The following PRIMA1 variants were observed in gnomAD, a reference collection of about 807,000 sequenced individuals.
PRIMA1 encodes the protein proline rich membrane anchor 1, also known as proline-rich membrane anchor 1.
A neutral mutation model predicts 17.5 loss-of-function variants in PRIMA1; 7 were observed. The ratio of observed to expected loss-of-function variants is 0.40; its 90% CI spans 0.23 to 0.75. The LOEUF (loss-of-function observed/expected upper bound fraction) is 0.75. Among genes scored for constraint, PRIMA1 ranks in the 30% least tolerant of loss-of-function variants. The pLI is 0.37. For synonymous variants in PRIMA1, 97 were observed against 77.9 expected, an observed-to-expected ratio of 1.25 and a Z score of -1.29; for missense variants, 200 against 201.8, an observed-to-expected ratio of 0.99 and a Z score of 0.05.
At chr14:93,771,768 C>T (rs899195549) in intron 3 of PRIMA1, among the ~76,000 whole-genome samples, 1 of 152,124 alleles carries the variant, frequency 6.6e-6, no homozygotes, top group Non-Finnish European at 1.5e-5. Context: ...TCAGGTTCTA[C>T]TTCGAAGGGG....
intron 3 of PRIMA1, among the ~76,000 whole-genome samples, chr14:93,761,591 T>C (rs1238047883): frequency 6.6e-6 from 1 of 152,104 alleles, no homozygotes; most frequent in East Asian, 1.9e-4. Context: ...TAATTCCTTC[T>C]CCTCCTTCCA....
In PRIMA1 at chr14:93,779,262, C is replaced by G. The variant is rs1171660796; in HGVS notation, c.143G>C (p.Cys48Ser). ...QKSCSKVTDS[C>S]RHVCQCRPPP... ...GGGCCGGCACTGGCAGACGTGTCGG[C>G]AGCTGTCAGTCACTTTGGAGCAGGA... is the stretch of plus-strand genomic sequence containing the variant. The change falls in exon 3 of 5, where the codon TGC becomes TCC. Residue 48 changes from cysteine to serine, a missense_variant. Coordinates refer to ENST00000393140, the MANE Select transcript of PRIMA1 (RefSeq NM_178013.4). 1 of 1,541,878 alleles carries G rather than the reference C, an allele frequency of 6.5e-7. No individual in the cohort carries two copies.
At chr14:93,784,831 A>G (rs571310364) in intron 2 of PRIMA1, among the ~76,000 whole-genome samples, 1 of 152,342 alleles carries the variant, frequency 6.6e-6, no homozygotes, top group South Asian at 2.1e-4. Context: ...AATTAGCTCT[A>G]CATTGCCAAA....
chr14:93,726,941 A>G lies in PRIMA1; in HGVS notation c.360-5395T>C, dbSNP rs1216358797. Among the ~76,000 whole-genome samples the G allele has an allele frequency of 1.3e-5, 2 of 152,014 alleles. No homozygotes were observed. The highest frequency in any genetic ancestry group is 2.9e-5 in the Non-Finnish European group (2 of 68,002). On this transcript the variant is annotated intron_variant, in intron 4 of 4. Coordinates refer to ENST00000393140, the MANE Select transcript of PRIMA1 (RefSeq NM_178013.4). The surrounding 1 kb of genome is among the most constrained non-coding windows in gnomAD (Gnocchi z 4.2). ...CATACCTACAGACATATATCCCCAC[A>G]CTCATATACACACACACTCAGCGTT...
At chr14:93,764,589 C>T (rs1884835060) in intron 3 of PRIMA1, among the ~76,000 whole-genome samples, 1 of 152,180 alleles carries the variant, frequency 6.6e-6, no homozygotes, top group African/African-American at 2.4e-5. Context: ...ACACTCGGTG[C>T]TCTATAAATA....
intron 3 of PRIMA1, among the ~76,000 whole-genome samples, chr14:93,771,913 T>A (rs551676848): frequency 7.2e-5 from 11 of 152,244 alleles, no homozygotes; most frequent in Admixed American, 2.0e-4. Flanking sequence ...GGGGCCACAC[T>A]AGGAAGTAAT....
chr14:93,724,252 A>G (rs1475437277), intron 4 of PRIMA1, among the ~76,000 whole-genome samples: 1 of 152,098 alleles, frequency 6.6e-6, no homozygotes, highest in Non-Finnish European at 1.5e-5. Context: ...CCTCTTAGAG[A>G]TTCTGCAGAG....
intron 4 of PRIMA1, among the ~76,000 whole-genome samples, chr14:93,722,850 G>T (rs2076051321): frequency 1.3e-5 from 2 of 152,016 alleles, no homozygotes; most frequent in Admixed American, 1.3e-4. Context: ...AATGATGGTG[G>T]TGAATATCTA....
At chr14:93,729,267 T>C (rs985319921) in intron 4 of PRIMA1, among the ~76,000 whole-genome samples, 1 of 152,210 alleles carries the variant, frequency 6.6e-6, no homozygotes, top group African/African-American at 2.4e-5. Context: ...CAGGAGGCCC[T>C]TCCTTGGAGT....
intron 3 of PRIMA1, among the ~76,000 whole-genome samples, chr14:93,757,028 CT>C: frequency 6.6e-6 from 1 of 152,166 alleles, no homozygotes. Context: ...AAAACCCAAC[CT>C]TTTTATCATG....
chr14:93,746,059 C>T (rs570860613), intron 3 of PRIMA1, among the ~76,000 whole-genome samples: 1 of 152,268 alleles, frequency 6.6e-6, no homozygotes, highest in South Asian at 2.1e-4. Flanking sequence ...TCCAGAGGGC[C>T]TAGGCTTTGG....
chr14:93,725,843 G>A (rs2076071913), intron 4 of PRIMA1: 4 of 428,122 alleles, frequency 9.3e-6, no homozygotes, highest in Admixed American at 7.5e-5. Flanking sequence ...TACCTAACGC[G>A]TGCCCCGTGG....
intron 2 of PRIMA1, among the ~76,000 whole-genome samples, chr14:93,787,410 C>T (rs1487735681): frequency 6.6e-6 from 1 of 152,190 alleles, no homozygotes; most frequent in Non-Finnish European, 1.5e-5. Flanking sequence ...CCAGCCCGGT[C>T]CTGCAGGATT....
chr14:93,737,540 GGGT>G (rs2076158096), intron 3 of PRIMA1, among the ~76,000 whole-genome samples, 170 bp from the exon 4 acceptor site: 5 of 150,826 alleles, frequency 3.3e-5, no homozygotes, highest in African/African-American at 1.2e-4. Flanking sequence ...GGACCATTAT[GGGT>G]GACACCAACA....
Position 93,718,420 on chromosome 14 carries a change from A to C in PRIMA1, c.*3024T>G, listed in dbSNP as rs1388543183. ...GTACAAAAGTCTCAGCAGGAAACCAACCTTAATGGCTTGTTGGTGGATAAG... is the reference window on the plus strand; with the variant it reads ...GTACAAAAGTCTCAGCAGGAAACCACCCTTAATGGCTTGTTGGTGGATAAG... On this transcript the variant is annotated 3_prime_UTR_variant, in exon 5 of 5. Coordinates refer to ENST00000393140, the MANE Select transcript of PRIMA1 (RefSeq NM_178013.4). 6.6e-6 allele frequency: 1 copy of C among 152,456 alleles called. No individual in the cohort carries two copies. The highest frequency in any genetic ancestry group is 1.5e-5 in the Non-Finnish European group (1 of 68,030). The allele number at this position is 152,456 out of a possible 1,614,324, so 9.4% of individuals were successfully genotyped here. A position where few individuals can be genotyped will look rare whatever the true frequency, so the allele number is the denominator to read the frequency against.
Position 93,721,275 on chromosome 14 carries a change from G to GAC in PRIMA1, c.*167_*168dup. 3.4e-6 allele frequency: 2 copies of GAC among 584,748 alleles called. No homozygotes were observed. The highest frequency in any genetic ancestry group is 9.1e-4 in the Middle Eastern group (2 of 2,196). The allele number at this position is 584,748 out of a possible 1,614,324, so 36.2% of individuals were successfully genotyped here. On this transcript the variant is annotated 3_prime_UTR_variant, in exon 5 of 5. Transcript: ENST00000393140. ...TCCGAGCTGCCTGGGCCCGCAGGCTGACCAGGGGCAAGCCTGGGAAGACAA... is the reference window on the plus strand; with the variant it reads ...TCCGAGCTGCCTGGGCCCGCAGGCTGACACCAGGGGCAAGCCTGGGAAGACAA...
At position 93,747,856 on chromosome 14, in the gene PRIMA1, AGTGT is replaced by A. The variant is rs1210333025; in HGVS notation, c.230-10490_230-10487del. 3.7e-3 allele frequency among the ~76,000 whole-genome samples: 514 copies of A among 137,102 alleles called. 1 individual carries two copies. Among genetic ancestry groups the A allele is most frequent in the African/African-American group, 0.014 (488 of 36,076 alleles). The allele number at this position is 137,102 out of a possible 152,430, so 89.9% of individuals were successfully genotyped here. ...GTGAGAGTGTATGAGTGTGTGTATG[AGTGT>A]GTGTGAGTGGGGACTGAGTGGGAGA... On this transcript the variant is annotated intron_variant, in intron 3 of 4. Transcript: ENST00000393140.
chr14:93,720,171 G>A lies in PRIMA1; in HGVS notation c.*1273C>T, dbSNP rs2076028112. 1 of 152,234 alleles carries A rather than the reference G, an allele frequency of 6.6e-6. No individual in the cohort carries two copies. Among genetic ancestry groups the A allele is most frequent in the Admixed American group, 6.5e-5 (1 of 15,288 alleles). The allele number at this position is 152,234 out of a possible 1,614,324, so 9.4% of individuals were successfully genotyped here. A position where few individuals can be genotyped will look rare whatever the true frequency, so the allele number is the denominator to read the frequency against. On this transcript the variant is annotated 3_prime_UTR_variant, in exon 5 of 5. Transcript: ENST00000393140. ...TGGGGAGAGCCAGGGGGCCAGGAGT[G>A]TCCCACTCATTTTCCAGGAGATGCA...
chr14:93,733,502 C>T (rs1030824868), intron 4 of PRIMA1, among the ~76,000 whole-genome samples: 8 of 152,028 alleles, frequency 5.3e-5, no homozygotes, highest in Admixed American at 3.9e-4. Context: ...AGGCCCGTGT[C>T]CCGGCAGCTG....
Sources: gnomAD v4.1 joint callset for allele counts (sites outside exome capture counted in the v4.1 genomes callset) on GRCh38, gnomAD v4.1.1 for gene constraint, Gnocchi (gnomAD v3.1) non-coding constraint, MANE v1.5 for transcripts, NCBI Gene and HGNC (gene_info 2026-07-23, HGNC 2026-07-21) for gene names.